Variants in GCNT1 observed in about 807,000 individuals in gnomAD.
GCNT1 encodes the protein glucosaminyl (N-acetyl) transferase 1, also known as beta-1,3-galactosyl-O-glycosyl-glycoprotein beta-1,6-N-acetylglucosaminyltransferase.
In GCNT1, 16 loss-of-function variants were observed where a neutral mutation model predicts 26.2. The observed-to-expected ratio is 0.61, with a 90% confidence interval of 0.41 to 0.93. GCNT1 has a LOEUF of 0.93. Ranked by LOEUF, GCNT1 falls within the 40% of genes least tolerant of loss-of-function variation. The pLI, the probability that GCNT1 is intolerant of heterozygous loss-of-function variation, is 0.00. For missense variants in GCNT1, 477 were observed against 526.7 expected, an observed-to-expected ratio of 0.91 and a Z score of 0.92; for synonymous variants, 183 against 190.8, an observed-to-expected ratio of 0.96 and a Z score of 0.34.
At chr9:76,489,380 A>G (rs1824667589) in intron 2 of GCNT1, among the ~76,000 whole-genome samples, 1 of 152,208 alleles carries the variant, frequency 6.6e-6, no homozygotes, top group Non-Finnish European at 1.5e-5. Flanking sequence ...TACAGCTCTT[A>G]AAGGTGGTGT....
At chr9:76,495,336 C>CTTCATGAGTGAAGCCGCAGA (rs1370741452) in intron 2 of GCNT1, among the ~76,000 whole-genome samples, 1 of 152,130 alleles carries the variant, frequency 6.6e-6, no homozygotes, top group Non-Finnish European at 1.5e-5. Context: ...GTCTCGCTGA[C>CTTCATGAGTGAAGCCGCAGA]TTCATGAGTG....
chr9:76,499,746 CCTCA>C (rs1277705366), intron 2 of GCNT1, among the ~76,000 whole-genome samples: 1 of 152,106 alleles, frequency 6.6e-6, no homozygotes, highest in Non-Finnish European at 1.5e-5. Flanking sequence ...CCATTTACCC[CCTCA>C]CTGTTTCTGC....
At position 76,507,257 on chromosome 9, in the gene GCNT1, C is replaced by T. The variant is rs895391053; in HGVS notation, c.*3589C>T. 9.0e-5 allele frequency: 15 copies of T among 166,968 alleles called. No homozygotes were observed. Among genetic ancestry groups the T allele is most frequent in the African/African-American group, 1.9e-4 (8 of 41,416 alleles). 10.3% of individuals were successfully genotyped at this position (166,968 alleles called of 1,614,324 possible). ...AAGCTGAAAAACCGTTAAGCCTCTA[C>T]GATTTTTAAGTAAGTTGGGGACCAT... On this transcript the variant is annotated 3_prime_UTR_variant, in exon 4 of 4. Transcript: ENST00000376730.
upstream of GCNT1, among the ~76,000 whole-genome samples, chr9:76,457,993 A>T (rs1484193276): frequency 6.6e-6 from 1 of 151,964 alleles, no homozygotes; most frequent in Non-Finnish European, 1.5e-5. Flanking sequence ...CCCTACACGA[A>T]ATCTGTGTAC....
At chr9:76,447,639 A>G (rs1035223296) in intron 1 of GCNT1, among the ~76,000 whole-genome samples, 3 of 152,154 alleles carry the variant, frequency 2.0e-5, no homozygotes, top group South Asian at 2.1e-4. Flanking sequence ...ATAGTTATAC[A>G]TGTGATTTTG....
intron 1 of GCNT1, among the ~76,000 whole-genome samples, chr9:76,446,978 T>C (rs1021861816): frequency 9.2e-5 from 14 of 151,682 alleles, no homozygotes; most frequent in African/African-American, 3.1e-4. Context: ...AACATGGTGA[T>C]ACCTCATCTC....
chr9:76,418,465 T>TG (rs1331628581), upstream of GCNT1, among the ~76,000 whole-genome samples: 2 of 152,190 alleles, frequency 1.3e-5, no homozygotes, highest in Non-Finnish European at 2.9e-5. Context: ...AGGTTAATGT[T>TG]GGAGTGCCCT....
intron 2 of GCNT1, among the ~76,000 whole-genome samples, chr9:76,488,516 G>C (rs1033232968): frequency 1.3e-5 from 2 of 152,086 alleles, no homozygotes; most frequent in African/African-American, 4.8e-5. Flanking sequence ...CTGGAGTCTT[G>C]CTCTGTTGCT....
At chr9:76,401,444 TTA>T in the GCNT1 span, among the ~76,000 whole-genome samples, 1 of 152,154 alleles carries the variant, frequency 6.6e-6, no homozygotes, top group African/African-American at 2.4e-5. Context: ...AAGTGTTATT[TTA>T]TAACCACAAA....
the GCNT1 span, among the ~76,000 whole-genome samples, chr9:76,397,887 A>G: frequency 2.0e-5 from 3 of 152,214 alleles, no homozygotes; most frequent in African/African-American, 7.2e-5. Context: ...GCTTCAAATA[A>G]TTCAATAATT....
In GCNT1 at chr9:76,483,520, T is replaced by TC. The variant is rs376113527; in HGVS notation, c.-289-17394dup. 2.1e-3 allele frequency among the ~76,000 whole-genome samples: 319 copies of TC among 152,212 alleles called. 1 individual carries two copies. Among genetic ancestry groups the TC allele is most frequent in the African/African-American group, 7.4e-3 (308 of 41,528 alleles). On this transcript the variant is annotated intron_variant, in intron 2 of 3. Transcript: ENST00000376730. ...GCCTCGAACTCCTGGGCTCAAGTGA[T>TC]CCTCCCATCTCAGCCTTCTGAGTAG...
rs777941377 is a variant in GCNT1 at position 76,502,933 on chromosome 9, T to A, written c.552T>A (p.Ser184Arg). The A allele has an allele frequency of 3.7e-6, 6 of 1,612,876 alleles. No individual in the cohort carries two copies. Among genetic ancestry groups the A allele is most frequent in the Non-Finnish European group, 5.1e-6 (6 of 1,179,984 alleles). Residue 184 changes from serine (S) to arginine (R), a missense_variant, in exon 4 of 4, where the codon AGT becomes AGA. By Grantham distance (110) the Ser-to-Arg change is moderately radical. Coordinates refer to ENST00000376730, the MANE Select transcript of GCNT1 (RefSeq NM_001490.5). ...TCTTTGTGGCCAGCCGATTGGAGAG[T>A]GTGGTTTATGCATCGTGGAGCCGGG... ...SNVFVASRLESVVYASWSRVQ... is the reference protein window; with the variant it reads ...SNVFVASRLERVVYASWSRVQ...
chr9:76,489,974 G>A (rs1824687669), intron 2 of GCNT1, among the ~76,000 whole-genome samples: 1 of 152,180 alleles, frequency 6.6e-6, no homozygotes, highest in South Asian at 2.1e-4. Context: ...TAGCTTGATG[G>A]CCTCAATCCT....
chr9:76,411,048 T>A, the GCNT1 span, among the ~76,000 whole-genome samples: 1 of 152,208 alleles, frequency 6.6e-6, no homozygotes, highest in African/African-American at 2.4e-5. Context: ...AATATCTTTC[T>A]CCATCCCTTT....
intron 1 of GCNT1, among the ~76,000 whole-genome samples, chr9:76,424,050 T>C (rs74712372): frequency 0.091 from 13,804 of 152,236 alleles, 914 homozygotes; most frequent in African/African-American, 0.18. Flanking sequence ...GGTGTAGCAA[T>C]TGACTGTGTA....
At chr9:76,399,587 G>A in the GCNT1 span, 3 of 1,209,472 alleles carry the variant, frequency 2.5e-6, no homozygotes, top group Non-Finnish European at 3.6e-6. Context: ...CTGGTCTTAA[G>A]CTGTTCTTGC....
the GCNT1 span, chr9:76,394,261 G>A: frequency 7.4e-7 from 1 of 1,356,864 alleles, no homozygotes; most frequent in South Asian, 1.3e-5. Context: ...CGGACCAGCC[G>A]GGGGACAGGA....
the GCNT1 span, among the ~76,000 whole-genome samples, chr9:76,396,825 C>G: frequency 1.3e-5 from 2 of 152,126 alleles, no homozygotes; most frequent in Admixed American, 6.5e-5. Flanking sequence ...GGCAACAGAG[C>G]GAGACTCTGT....
intron 2 of GCNT1, among the ~76,000 whole-genome samples, chr9:76,460,409 G>A (rs1318903498): frequency 6.6e-6 from 1 of 152,166 alleles, no homozygotes; most frequent in African/African-American, 2.4e-5. Context: ...TGAGAGACGT[G>A]GTCTGGAAGT....
Sources: allele counts gnomAD v4.1 joint callset (sites outside exome capture counted in the v4.1 genomes callset), GRCh38; gene constraint gnomAD v4.1.1; transcripts MANE v1.5; gene names NCBI Gene and HGNC (gene_info 2026-07-23, HGNC 2026-07-21).